The following SLC16A2 variants were observed in gnomAD, a reference collection of about 807,000 sequenced individuals.
SLC16A2 encodes the protein solute carrier family 16 member 2.
A neutral mutation model predicts 27.2 loss-of-function variants in SLC16A2; 3 were observed. That is an observed-to-expected ratio of 0.11 (90% CI 0.05 to 0.28). The LOEUF (loss-of-function observed/expected upper bound fraction) is 0.28. Ranked by LOEUF, SLC16A2 falls within the 10% of genes least tolerant of loss-of-function variation. The pLI is 1.00. For missense variants in SLC16A2, 295 were observed against 458.5 expected, an observed-to-expected ratio of 0.64 and a Z score of 3.26; for synonymous variants, 202 against 187.8, an observed-to-expected ratio of 1.08 and a Z score of -0.62.
At chrX:74,502,066 C>G (rs1395647191) in intron 1 of SLC16A2, among the ~76,000 whole-genome samples, 1 of 111,903 alleles carries the variant, frequency 8.9e-6, no homozygotes, top group Non-Finnish European at 1.9e-5. Flanking sequence ...CTTTTGATAT[C>G]TTAAATCTTT....
At chrX:74,495,949 A>AGGTGTTCAGGAGGGGGC in intron 1 of SLC16A2, among the ~76,000 whole-genome samples, 1 of 110,940 alleles carries the variant, frequency 9.0e-6, no homozygotes, top group Non-Finnish European at 1.9e-5. Context: ...CCGATCCCCA[A>AGGTGTTCAGGAGGGGGC]GGTGTTCAGG....
chrX:74,494,908 G>A (rs978497110), intron 1 of SLC16A2, among the ~76,000 whole-genome samples: 1 of 111,194 alleles, frequency 9.0e-6, no homozygotes, highest in African/African-American at 3.3e-5. Flanking sequence ...GGTGAGGGAA[G>A]CCTTTAGGAA....
At chrX:74,492,003 T>G (rs1320967152) in intron 1 of SLC16A2, among the ~76,000 whole-genome samples, 2 of 112,586 alleles carry the variant, frequency 1.8e-5, no homozygotes, top group Admixed American at 9.4e-5. Context: ...GATGTCCCTA[T>G]GTAAGCAGGA....
At chrX:74,424,820 A>G (rs1418932153) in intron 1 of SLC16A2, among the ~76,000 whole-genome samples, 2 of 111,504 alleles carry the variant, frequency 1.8e-5, no homozygotes, top group African/African-American at 6.5e-5. Context: ...CCTGCAGATG[A>G]TTGGGATTGT....
At chrX:74,509,350 T>G (rs945460907) in intron 1 of SLC16A2, among the ~76,000 whole-genome samples, 2 of 112,042 alleles carry the variant, frequency 1.8e-5, no homozygotes, top group Non-Finnish European at 3.8e-5. Flanking sequence ...CTCTATCAGG[T>G]TGTGAAAGTT....
intron 1 of SLC16A2, among the ~76,000 whole-genome samples, chrX:74,480,151 G>A (rs1042743282): frequency 8.0e-5 from 9 of 112,139 alleles, no homozygotes; most frequent in Admixed American, 2.8e-4. Flanking sequence ...CTTCCTGGCC[G>A]CTTTGTTTAC....
rs373205358 is a variant in SLC16A2, at chrX:74,449,631, C to T, written c.430+27564C>T. 3.7e-4 allele frequency among the ~76,000 whole-genome samples: 41 copies of T among 111,556 alleles called. No individual in the cohort carries two copies. In the East Asian group the frequency reaches 0.012, roughly 32 times the overall value. ...TGTGGGTGCCTGACAATGTAACTAA[C>T]TCTGTTTTTCAGGGTCTCCTCCCTG... On this transcript the variant is annotated intron_variant, in intron 1 of 5. Transcript: ENST00000587091.
intron 1 of SLC16A2, among the ~76,000 whole-genome samples, chrX:74,429,944 G>A (rs1328236263): frequency 4.5e-5 from 5 of 111,865 alleles, no homozygotes; most frequent in Non-Finnish European, 9.4e-5. Context: ...CTGCTACTGG[G>A]AAAAAAATGT....
intron 1 of SLC16A2, among the ~76,000 whole-genome samples, chrX:74,491,991 A>G (rs2147859755): frequency 8.9e-6 from 1 of 112,698 alleles, no homozygotes; most frequent in East Asian, 2.8e-4. Flanking sequence ...GCCCTGGGAC[A>G]GGATGTCCCT....
chrX:74,470,370 C>T (rs1241331048), intron 1 of SLC16A2, among the ~76,000 whole-genome samples: 2 of 112,045 alleles, frequency 1.8e-5, no homozygotes, highest in African/African-American at 3.2e-5. Context: ...ACCATAAGAG[C>T]ATGTTTAGTT....
At chrX:74,489,033 G>A (rs183996730) in intron 1 of SLC16A2, among the ~76,000 whole-genome samples, 9 of 111,566 alleles carry the variant, frequency 8.1e-5, no homozygotes, top group Admixed American at 2.9e-4. Flanking sequence ...TTGTTTACAA[G>A]CATTTCTTTC....
chrX:74,433,996 C>T (rs761076049), intron 1 of SLC16A2, among the ~76,000 whole-genome samples: 8 of 112,236 alleles, frequency 7.1e-5, no homozygotes, highest in Non-Finnish European at 1.3e-4. Flanking sequence ...TACAGCCTGG[C>T]ACGTACTAAG....
chrX:74,455,064 AT>A (rs1929018477), intron 1 of SLC16A2, among the ~76,000 whole-genome samples: 2 of 112,198 alleles, frequency 1.8e-5, no homozygotes, highest in African/African-American at 6.5e-5. Context: ...CAATTCTATA[AT>A]TTAGTAGTTG....
At chrX:74,425,982 C>T (rs919705534) in intron 1 of SLC16A2, among the ~76,000 whole-genome samples, 25 of 111,713 alleles carry the variant, frequency 2.2e-4, no homozygotes, top group East Asian at 1.1e-3. Flanking sequence ...ATGGTCCACT[C>T]TGATGGAAAC....
chrX:74,427,808 C>CAT, intron 1 of SLC16A2, among the ~76,000 whole-genome samples: 1 of 71,963 alleles, frequency 1.4e-5, no homozygotes, highest in South Asian at 1.0e-3. Context: ...CGTGCACGCG[C>CAT]GCGCACACAC....
At chrX:74,447,140 A>T (rs1411760489) in intron 1 of SLC16A2, among the ~76,000 whole-genome samples, 2 of 112,342 alleles carry the variant, frequency 1.8e-5, no homozygotes, top group African/African-American at 6.5e-5. Context: ...ATGTAATTGA[A>T]TATCTTTCCT....
chrX:74,483,307 T>A (rs1929659091), intron 1 of SLC16A2, among the ~76,000 whole-genome samples: 1 of 111,871 alleles, frequency 8.9e-6, no homozygotes, highest in African/African-American at 3.3e-5. Flanking sequence ...ATTCCATTAG[T>A]GTTTTTAAAC....
intron 1 of SLC16A2, among the ~76,000 whole-genome samples, chrX:74,490,008 C>CACACAT (rs1555986162): frequency 9.3e-6 from 1 of 107,828 alleles, no homozygotes; most frequent in South Asian, 4.1e-4. Context: ...CACACACACA[C>CACACAT]GCAAAGATCC....
Position 74,531,594 on chromosome X carries a change from C to T in SLC16A2, c.*41C>T. The T allele has an allele frequency of 9.7e-7, 1 of 1,030,665 alleles. No individual in the cohort carries two copies. Among genetic ancestry groups the T allele is most frequent in the Non-Finnish European group, 1.4e-6 (1 of 731,409 alleles). The allele number at this position is 1,030,665 out of a possible 1,213,427, so 84.9% of individuals were successfully genotyped here. ...TGTGTGCCCTTTCCCAGCTCTTCCC[C>T]TTCATCCCACCCTGCTCAGCATTTA... On this transcript the variant is annotated 3_prime_UTR_variant, in exon 6 of 6. Coordinates refer to ENST00000587091, the MANE Select transcript of SLC16A2 (RefSeq NM_006517.5).
Sources: gnomAD v4.1 joint callset for allele counts (sites outside exome capture counted in the v4.1 genomes callset) on GRCh38, gnomAD v4.1.1 for gene constraint, MANE v1.5 for transcripts, NCBI Gene and HGNC (gene_info 2026-07-23, HGNC 2026-07-21) for gene names.